RARA: variants seen among roughly 807,000 people sequenced by gnomAD.
RARA encodes the protein PML-DDX5-RARA fusion.
Under a neutral mutation model 42.8 loss-of-function variants are expected in RARA, and 5 were observed. The ratio of observed to expected loss-of-function variants is 0.12; its 90% CI spans 0.06 to 0.25. The LOEUF is 0.25. Among genes scored for constraint, RARA ranks in the 10% least tolerant of loss-of-function variants. The pLI, the probability that RARA is intolerant of heterozygous loss-of-function variation, is 1.00. For missense variants in RARA, 402 were observed against 628.7 expected (o/e 0.64, Z 3.86); for synonymous variants, 256 against 259.5 (o/e 0.99, Z 0.13).
chr17:40,341,235 C>A, intron 2 of RARA: 1 of 1,012,970 alleles, frequency 9.9e-7, no homozygotes, highest in Non-Finnish European at 1.3e-6. Flanking sequence ...GACAGTGCAC[C>A]AGGGGCCGGT....
chr17:40,339,218 G>A (rs2033949377), intron 2 of RARA, among the ~76,000 whole-genome samples: 1 of 152,168 alleles, frequency 6.6e-6, no homozygotes, highest in African/African-American at 2.4e-5. Flanking sequence ...CTGGGAGCCA[G>A]TGTCCACCTG....
intron 1 of RARA, among the ~76,000 whole-genome samples, chr17:40,329,137 C>CTT (rs71152664): frequency 6.9e-6 from 1 of 144,906 alleles, no homozygotes; most frequent in Non-Finnish European, 1.5e-5. Context: ...TCTCATTGTG[C>CTT]TTTTTTTTTT....
Position 40,356,793 on chromosome 17 carries a change from C to T in RARA, c.*567C>T. On this transcript the variant is annotated 3_prime_UTR_variant, in exon 9 of 9. Transcript: ENST00000254066. ...TTTTAATAAGAATTTTCATTTTAAG[C>T]ACATTTATACTGAAGGAATTTGTGC... is the stretch of plus-strand genomic sequence containing the variant. The T allele has an allele frequency of 2.0e-6, 1 of 491,926 alleles. No individual in the cohort carries two copies. 30.5% of individuals were successfully genotyped at this position (491,926 alleles called of 1,614,324 possible).
chr17:40,338,982 C>T (rs2033942980), intron 2 of RARA, among the ~76,000 whole-genome samples: 1 of 152,166 alleles, frequency 6.6e-6, no homozygotes, highest in Non-Finnish European at 1.5e-5. Context: ...CACACCACTG[C>T]ACTCTAGCCT....
chr17:40,322,593 C>T (rs762266720), intron 1 of RARA, among the ~76,000 whole-genome samples: 22 of 152,152 alleles, frequency 1.4e-4, no homozygotes, highest in Admixed American at 2.6e-4. Flanking sequence ...TGGGTCCTAC[C>T]GCAGGTCCTC....
At chr17:40,343,007 G>T in intron 2 of RARA, 1 of 1,444,342 alleles carries the variant, frequency 6.9e-7, no homozygotes. Flanking sequence ...TGCCCTTGCT[G>T]GACAATTGAA....
intron 1 of RARA, among the ~76,000 whole-genome samples, chr17:40,314,629 C>A (rs766420189): frequency 1.4e-4 from 21 of 151,918 alleles, no homozygotes; most frequent in Non-Finnish European, 2.5e-4. Context: ...AATGCTGAGG[C>A]CCATTCTTTG....
intron 1 of RARA, among the ~76,000 whole-genome samples, chr17:40,329,137 CTT>C (rs71152664): frequency 1.2e-4 from 17 of 144,868 alleles, no homozygotes; most frequent in Admixed American, 1.4e-4. Context: ...TCTCATTGTG[CTT>C]TTTTTTTTTT....
At position 40,355,121 on chromosome 17, in the gene RARA, A is replaced by G; in HGVS notation, c.1013-142A>G. On this transcript the variant is annotated intron_variant, in intron 7 of 8. Transcript: ENST00000254066. This position sits in a 1 kb window ranked among gnomAD's most constrained non-coding sequence, Gnocchi z 4.1. ...AAGGGCCTCTGTACCCTGCGGCAGC[A>G]GAGACCCCATGCCCTGCCCTGTGTG... The G allele has an allele frequency of 9.4e-7, 1 of 1,069,018 alleles. No individual in the cohort carries two copies. Among genetic ancestry groups the G allele is most frequent in the Non-Finnish European group, 1.3e-6 (1 of 763,504 alleles). 66.2% of individuals were successfully genotyped at this position (1,069,018 alleles called of 1,614,324 possible). A position where few individuals can be genotyped will look rare whatever the true frequency, so the allele number is the denominator to read the frequency against.
Position 40,351,912 on chromosome 17 carries a change from G to C in RARA, c.472G>C (p.Val158Leu). 1 of 1,611,896 alleles carries C rather than the reference G, an allele frequency of 6.2e-7. No homozygotes were observed. Among genetic ancestry groups the C allele is most frequent in the Non-Finnish European group, 8.5e-7 (1 of 1,179,350 alleles). Reference protein sequence around the residue: ...CFEVGMSKESVRNDRNKKKKE... With the variant: ...CFEVGMSKESLRNDRNKKKKE... The stretch of plus-strand genomic sequence containing the variant: ...TTAACCCCCTCTGCCCTCCACAGCT[G>C]TGAGAAACGACCGAAACAAGAAGAA... The change falls in exon 5 of 9, where the codon GTG becomes CTG. Residue 158 changes from valine (V) to leucine (L), a missense_variant and splice_region_variant. Val to Leu is a conservative substitution (Grantham distance 32). Transcript: ENST00000254066. This position sits in a 1 kb window ranked among gnomAD's most constrained non-coding sequence, Gnocchi z 4.1.
In RARA at chr17:40,351,337, G is replaced by A. The variant is rs958387106; in HGVS notation, c.470-573G>A. ...ATAATCGGCTGGTAACGACCCCATC[G>A]CTTCTTTAAAGCCGAGTGGTGTGTG... On this transcript the variant is annotated intron_variant, in intron 4 of 8. Coordinates refer to ENST00000254066, the MANE Select transcript of RARA (RefSeq NM_000964.4). The surrounding 1 kb of genome is among the most constrained non-coding windows in gnomAD (Gnocchi z 4.1). 4 of 281,604 alleles carry A rather than the reference G, an allele frequency of 1.4e-5. No individual in the cohort carries two copies. The highest frequency in any genetic ancestry group is 6.0e-5 in the South Asian group (2 of 33,206). The allele number at this position is 281,604 out of a possible 1,614,324, so 17.4% of individuals were successfully genotyped here.
chr17:40,311,825 G>A (rs1363776328), intron 1 of RARA, among the ~76,000 whole-genome samples: 2 of 152,122 alleles, frequency 1.3e-5, no homozygotes, highest in Non-Finnish European at 2.9e-5. Context: ...CAGGGGTGGG[G>A]GCACAGTAGC....
At chr17:40,343,168 C>T (rs759792693) in intron 2 of RARA, 21 of 316,766 alleles carry the variant, frequency 6.6e-5, no homozygotes, top group Admixed American at 2.7e-4. Context: ...GCCCCTTGCC[C>T]CCAGTTTATA....
At chr17:40,341,387 C>T (rs2034030712) in intron 2 of RARA, 6 of 1,475,194 alleles carry the variant, frequency 4.1e-6, no homozygotes, top group Non-Finnish European at 5.4e-6. Context: ...GCCGGAGTCA[C>T]ACATGATGTC....
At position 40,352,895 on chromosome 17, in the gene RARA, A is replaced by G. The variant is rs2034499673; in HGVS notation, c.807+388A>G. On this transcript the variant is annotated intron_variant, in intron 6 of 8. Transcript: ENST00000254066. The surrounding 1 kb of genome is among the most constrained non-coding windows in gnomAD (Gnocchi z 4.9). The stretch of plus-strand genomic sequence containing the variant: ...GAAGTTCAAGACCACCCTGGGCAAC[A>G]TAGTGAGACCTTATTTCTGCAAAAA... 6.6e-6 allele frequency among the ~76,000 whole-genome samples: 1 copy of G among 152,200 alleles called. No individual in the cohort carries two copies.
At chr17:40,341,544 G>A in intron 2 of RARA, 2 of 1,443,882 alleles carry the variant, frequency 1.4e-6, no homozygotes, top group East Asian at 6.0e-5. Context: ...AGGTGGCCCG[G>A]TTCGGCCGGG....
rs1598579282 is a variant in RARA, at chr17:40,349,040, C to T, written c.327+576C>T. 3 of 155,096 alleles carry T rather than the reference C, an allele frequency of 1.9e-5. No homozygotes were observed. In the Admixed American group the frequency reaches 2.0e-4, roughly 10 times the overall value. The allele number at this position is 155,096 out of a possible 1,614,324, so 9.6% of individuals were successfully genotyped here. ...GCCTGAGCCTCTGTGTGCGTTTCTTCCTCCAGAGATTGGGGCTCAGAATCT... is the reference window on the plus strand; with the variant it reads ...GCCTGAGCCTCTGTGTGCGTTTCTTTCTCCAGAGATTGGGGCTCAGAATCT... On this transcript the variant is annotated intron_variant, in intron 3 of 8. Transcript: ENST00000254066.
At position 40,320,331 on chromosome 17, in the gene RARA, C is replaced by T. The variant is rs2143193158; in HGVS notation, c.-362-10526C>T. 6.6e-6 allele frequency among the ~76,000 whole-genome samples: 1 copy of T among 152,268 alleles called. No individual in the cohort carries two copies. The highest frequency in any genetic ancestry group is 2.4e-5 in the African/African-American group (1 of 41,532). On this transcript the variant is annotated intron_variant, in intron 1 of 8. Coordinates refer to ENST00000254066, the MANE Select transcript of RARA (RefSeq NM_000964.4). This position sits in a 1 kb window ranked among gnomAD's most constrained non-coding sequence, Gnocchi z 4.1. ...TTCCTACTCCCAACCTTGAGGCAGC[C>T]TGGCAGGAAGCCAGCTGTGGGCAGC...
In RARA at chr17:40,355,446, T is replaced by C. The variant is rs1220389413; in HGVS notation, c.1171+25T>C. The C allele has an allele frequency of 6.3e-7, 1 of 1,595,638 alleles. No homozygotes were observed. The highest frequency in any genetic ancestry group is 1.7e-5 in the Admixed American group (1 of 58,556). ...GGTGAGGCTCACAGACCTGGAGGGG[T>C]ACCGGCCCCCGACACCTGGCCCAGG... On this transcript the variant is annotated intron_variant, in intron 8 of 8. Coordinates refer to ENST00000254066, the MANE Select transcript of RARA (RefSeq NM_000964.4). The surrounding 1 kb of genome is among the most constrained non-coding windows in gnomAD (Gnocchi z 4.1).
Sources: allele counts gnomAD v4.1 joint callset (sites outside exome capture counted in the v4.1 genomes callset), GRCh38; gene constraint gnomAD v4.1.1; non-coding constraint Gnocchi (gnomAD v3.1); transcripts MANE v1.5; gene names NCBI Gene and HGNC (gene_info 2026-07-23, HGNC 2026-07-21).